The following RPS29 variants were observed in gnomAD, a reference collection of about 807,000 sequenced individuals.
RPS29 encodes ribosomal protein S29, also known as small ribosomal subunit protein uS14.
For missense variants in RPS29, 60 were observed against 75.7 expected (o/e 0.79, Z 0.77); for synonymous variants, 37 against 26.9 (o/e 1.37, Z -1.16).
At chr14:49,597,353 T>G (rs997998835) in intron 1 of RPS29, 2 of 151,888 alleles carry the variant, frequency 1.3e-5, no homozygotes, top group Non-Finnish European at 2.9e-5. Flanking sequence ...CCACCGCACC[T>G]GGCGGAACAT....
intron 2 of RPS29, 43 bp downstream of exon 2, chr14:49,585,907 C>T: frequency 6.7e-7 from 1 of 1,499,166 alleles, no homozygotes; most frequent in Non-Finnish European, 9.3e-7. Context: ...CCCCCACAAC[C>T]TTCTCTGCCC....
chr14:49,577,602 T>C, exon 3 of RPS29: 1 of 687,304 alleles, frequency 1.5e-6, no homozygotes, highest in South Asian at 1.6e-5. Context: ...GTATGTGCTT[T>C]GTCTTTTTGT....
At chr14:49,579,377 C>T (rs1881274337), downstream of RPS29, among the ~76,000 whole-genome samples, 1 of 152,152 alleles carries the variant, frequency 6.6e-6, no homozygotes, top group Non-Finnish European at 1.5e-5. Flanking sequence ...GTTACAGTGG[C>T]CCAAAGACAC....
chr14:49,584,679 G>A (rs926671342), intron 2 of RPS29, among the ~76,000 whole-genome samples: 6 of 118,376 alleles, frequency 5.1e-5, no homozygotes, highest in Non-Finnish European at 9.2e-5. Flanking sequence ...CAGGAGAATC[G>A]CTTGAATCCG....
At chr14:49,578,739 T>G (rs578087562), downstream of RPS29, among the ~76,000 whole-genome samples, 27 of 152,142 alleles carry the variant, frequency 1.8e-4, no homozygotes, top group Non-Finnish European at 1.5e-5. Flanking sequence ...TTTTGTATTT[T>G]TAACAGAGAC....
chr14:49,592,070 G>T (rs1487949199), intron 1 of RPS29, among the ~76,000 whole-genome samples: 1 of 151,986 alleles, frequency 6.6e-6, no homozygotes, highest in East Asian at 1.9e-4. Flanking sequence ...CCATTGGTAA[G>T]CTAGTTTATA....
At chr14:49,579,554 A>G (rs1881278738), downstream of RPS29, among the ~76,000 whole-genome samples, 1 of 152,174 alleles carries the variant, frequency 6.6e-6, no homozygotes. Flanking sequence ...ATTTTGAAAA[A>G]CAAAGAATAG....
upstream of RPS29, among the ~76,000 whole-genome samples, chr14:49,587,382 T>TATA (rs1881612652): frequency 6.6e-6 from 1 of 152,262 alleles, no homozygotes; most frequent in Non-Finnish European, 1.5e-5. Flanking sequence ...TATGGTCATT[T>TATA]ATAATGCCTC....
chr14:49,596,091 A>G (rs1257009014), intron 1 of RPS29, among the ~76,000 whole-genome samples: 2 of 152,196 alleles, frequency 1.3e-5, no homozygotes, highest in Non-Finnish European at 2.9e-5. Context: ...AAGCCAGGGA[A>G]ATAAATGAAA....
chr14:49,590,875 A>C (rs1881696217), upstream of RPS29, among the ~76,000 whole-genome samples: 2 of 151,822 alleles, frequency 1.3e-5, no homozygotes, highest in Admixed American at 1.3e-4. Flanking sequence ...GTTTTTAGTA[A>C]AGACGGGGTT....
chr14:49,586,000 T>C lies in RPS29; in HGVS notation c.112A>G (p.Met38Val), dbSNP rs1881533780. The C allele has an allele frequency of 1.2e-6, 2 of 1,613,826 alleles. No individual in the cohort carries two copies. Among genetic ancestry groups the C allele is most frequent in the African/African-American group, 1.3e-5 (1 of 74,898 alleles). Residue 38 changes from methionine to valine, a missense_variant, in exon 2 of 3, where the codon ATG (methionine) becomes GTG (valine). Met to Val is a conservative substitution (Grantham distance 21). Coordinates refer to ENST00000245458, the MANE Select transcript of RPS29 (RefSeq NM_001032.5). ...HGLIRKYGLN[M>V]CRQCFRQYAK... ...TACTGACGGAAACACTGGCGGCACATATTGAGGCCATATTTCCGGATCAGA... is the reference window on the plus strand; with the variant it reads ...TACTGACGGAAACACTGGCGGCACACATTGAGGCCATATTTCCGGATCAGA...
intron 2 of RPS29, chr14:49,577,872 A>G (rs1211318215): frequency 1.3e-6 from 2 of 1,569,908 alleles, no homozygotes; most frequent in Admixed American, 3.8e-5. Flanking sequence ...GTAAAAGAGG[A>G]CCCATAAAAA....
At chr14:49,582,856 C>T (rs1426243397), downstream of RPS29, among the ~76,000 whole-genome samples, 1 of 152,154 alleles carries the variant, frequency 6.6e-6, no homozygotes, top group African/African-American at 2.4e-5. Context: ...ACACACTATA[C>T]CTACACTTCA....
At chr14:49,580,734 G>A (rs371195481), downstream of RPS29, among the ~76,000 whole-genome samples, 1 of 152,022 alleles carries the variant, frequency 6.6e-6, no homozygotes, top group Admixed American at 6.6e-5. Flanking sequence ...TCAGCCAGGC[G>A]TGGTGGCAGA....
exon 3 of RPS29, chr14:49,573,633 C>T (rs894510964): frequency 7.9e-5 from 12 of 152,140 alleles, no homozygotes; most frequent in African/African-American, 2.9e-4. Context: ...CTCCTATATC[C>T]TTTTTACATT....
chr14:49,583,522 G>T (rs1881407008), downstream of RPS29: 4 of 830,162 alleles, frequency 4.8e-6, no homozygotes, highest in Admixed American at 7.0e-5. Flanking sequence ...AAAAGAAAAA[G>T]ATTTCTATAA....
rs181385459 is a variant in RPS29, at chr14:49,595,780, G to C, written c.-133+2620C>G. On this transcript the variant is annotated intron_variant, in intron 1 of 3. Transcript: ENST00000556230. Reference sequence around the variant, plus strand: ...GTAATCCCAGCACTTTGGGAGGCTGGGGCGGGTGGATCACCAGAGGTCAGG... The same window carrying C: ...GTAATCCCAGCACTTTGGGAGGCTGCGGCGGGTGGATCACCAGAGGTCAGG... 9.9e-4 allele frequency among the ~76,000 whole-genome samples: 150 copies of C among 152,168 alleles called. 1 individual carries two copies. The highest frequency in any genetic ancestry group is 1.6e-3 in the Non-Finnish European group (111 of 67,986).
upstream of RPS29, among the ~76,000 whole-genome samples, chr14:49,587,483 T>C (rs1348616161): frequency 6.6e-6 from 1 of 152,198 alleles, no homozygotes; most frequent in Non-Finnish European, 1.5e-5. Flanking sequence ...ACATATAAAC[T>C]TTTATAAATT....
At chr14:49,580,717 C>T (rs939716926), downstream of RPS29, among the ~76,000 whole-genome samples, 1 of 151,676 alleles carries the variant, frequency 6.6e-6, no homozygotes. Context: ...ACTAAAAATA[C>T]AAAAAATCAG....
Sources: gnomAD v4.1 joint callset for allele counts (sites outside exome capture counted in the v4.1 genomes callset) on GRCh38, gnomAD v4.1.1 for gene constraint, MANE v1.5 for transcripts, NCBI Gene and HGNC (gene_info 2026-07-23, HGNC 2026-07-21) for gene names.